Variants in BTG4 observed in about 807,000 individuals in gnomAD.
BTG4 encodes BTG anti-proliferation factor 4.
BTG4 carries 10 observed loss-of-function variants against 19.3 expected under a neutral mutation model. The ratio of observed to expected loss-of-function variants is 0.52; its 90% CI spans 0.32 to 0.88. BTG4 has a LOEUF of 0.88. Among genes scored for constraint, BTG4 ranks in the 40% least tolerant of loss-of-function variants. The pLI, the probability that BTG4 is intolerant of heterozygous loss-of-function variation, is 0.04. For missense variants in BTG4, 238 were observed against 281.9 expected (o/e 0.84, Z 1.11); for synonymous variants, 91 against 95.7 (o/e 0.95, Z 0.29).
chr11:111,404,136 C>CA, the BTG4 span, among the ~76,000 whole-genome samples: 1 of 152,030 alleles, frequency 6.6e-6, no homozygotes, highest in Non-Finnish European at 1.5e-5. Context: ...TGGTTTTATA[C>CA]AGGGGAGTTT....
At chr11:111,484,382 C>T (rs552431942) in intron 5 of BTG4, among the ~76,000 whole-genome samples, 1 of 152,224 alleles carries the variant, frequency 6.6e-6, no homozygotes, top group East Asian at 1.9e-4. Flanking sequence ...TTGTATCTTT[C>T]ATAGGAAGAC....
intron 2 of BTG4, 148 bp downstream of exon 2, chr11:111,498,456 C>T: frequency 1.4e-6 from 1 of 718,578 alleles, no homozygotes; most frequent in Non-Finnish European, 2.3e-6. Context: ...TATGTCTCCT[C>T]CTTTCAATTC....
At chr11:111,386,817 T>A in the BTG4 span, among the ~76,000 whole-genome samples, 1 of 152,198 alleles carries the variant, frequency 6.6e-6, no homozygotes, top group Non-Finnish European at 1.5e-5. Context: ...TCCCACATAT[T>A]CTTTACATAG....
At chr11:111,483,922 G>C (rs956167606) in intron 5 of BTG4, among the ~76,000 whole-genome samples, 1 of 152,012 alleles carries the variant, frequency 6.6e-6, no homozygotes, top group Non-Finnish European at 1.5e-5. Flanking sequence ...CTATCTCAAG[G>C]TATACAATAA....
the BTG4 span, among the ~76,000 whole-genome samples, chr11:111,446,638 C>CAT: frequency 6.6e-6 from 1 of 152,024 alleles, no homozygotes; most frequent in South Asian, 2.1e-4. Context: ...CACACACACA[C>CAT]ACACACACAC....
At chr11:111,514,206 A>G (rs1275893322), upstream of BTG4, 1 of 156,550 alleles carries the variant, frequency 6.4e-6, no homozygotes, top group African/African-American at 2.4e-5. Flanking sequence ...AGTGATTAGT[A>G]AATGCACTTA....
At chr11:111,442,607 C>T in the BTG4 span, among the ~76,000 whole-genome samples, 2 of 149,242 alleles carry the variant, frequency 1.3e-5, no homozygotes, top group African/African-American at 2.5e-5. Context: ...AAAACAACAA[C>T]AACAACAACA....
chr11:111,463,915 A>T (rs1863566479), downstream of BTG4, among the ~76,000 whole-genome samples: 1 of 152,124 alleles, frequency 6.6e-6, no homozygotes, highest in Non-Finnish European at 1.5e-5. Flanking sequence ...CCTGCCATGG[A>T]CTTCATGGGC....
chr11:111,498,556 G>A, intron 2 of BTG4, 48 bp downstream of exon 2: 1 of 1,523,022 alleles, frequency 6.6e-7, no homozygotes, highest in Non-Finnish European at 9.0e-7. Context: ...GAGCTGGCTG[G>A]TTGCTTGGTG....
chr11:111,438,121 G>A, the BTG4 span, among the ~76,000 whole-genome samples: 1 of 152,170 alleles, frequency 6.6e-6, no homozygotes, highest in African/African-American at 2.4e-5. Context: ...AGGGGAAGGG[G>A]GCTGCCAGGG....
the BTG4 span, among the ~76,000 whole-genome samples, chr11:111,421,742 A>G: frequency 6.6e-6 from 1 of 152,154 alleles, no homozygotes; most frequent in Non-Finnish European, 1.5e-5. Flanking sequence ...GTGAAACCCC[A>G]TCTCTACTAA....
intron 5 of BTG4, among the ~76,000 whole-genome samples, chr11:111,470,685 G>C (rs11213918): frequency 0.32 from 48,766 of 152,134 alleles, 8,183 homozygotes; most frequent in Admixed American, 0.44. Flanking sequence ...GGGAGGCCGA[G>C]GCAGAAAGAT....
chr11:111,455,094 C>T, the BTG4 span: 1 of 454,840 alleles, frequency 2.2e-6, no homozygotes, highest in Admixed American at 2.3e-5. Flanking sequence ...AGCAGGTGGG[C>T]TTGGTTCACG....
upstream of BTG4, chr11:111,513,452 G>A (rs1429611756): frequency 1.9e-6 from 1 of 534,356 alleles, no homozygotes; most frequent in Non-Finnish European, 3.8e-6. Context: ...CTAGTTACTA[G>A]GCAGTGTAGT....
Position 111,495,157 on chromosome 11 carries a change from T to A in BTG4, c.668A>T (p.His223Leu). 6.3e-7 allele frequency: 1 copy of A among 1,585,244 alleles called. No individual in the cohort carries two copies. The highest frequency in any genetic ancestry group is 8.6e-7 in the Non-Finnish European group (1 of 1,167,402). ...GCGTCATCGGTGTGTGTTGACCCAG[T>A]GGTACCTGTCCAGCCGGTGCATAGC... ...RPAMHRLDRY[H>L]WVNTHR The change falls in exon 5 of 5, where the codon CAC (histidine) becomes CTC (leucine). Residue 223 changes from histidine (H) to leucine (L), a missense_variant. His to Leu is a moderately conservative substitution (Grantham distance 99, BLOSUM62 -3). Transcript: ENST00000692032.
chr11:111,494,153 G>A (rs1028107375), downstream of BTG4, among the ~76,000 whole-genome samples: 2 of 152,192 alleles, frequency 1.3e-5, no homozygotes, highest in African/African-American at 4.8e-5. Context: ...AGAGGAGAAG[G>A]GAGGGATAAA....
chr11:111,403,278 G>A, the BTG4 span, among the ~76,000 whole-genome samples: 2 of 152,220 alleles, frequency 1.3e-5, no homozygotes, highest in African/African-American at 2.4e-5. Flanking sequence ...TAATTAACCT[G>A]TGCTTTTTAT....
At chr11:111,401,986 A>G in the BTG4 span, among the ~76,000 whole-genome samples, 10 of 152,192 alleles carry the variant, frequency 6.6e-5, no homozygotes, top group African/African-American at 1.9e-4. Context: ...TTATTCATAT[A>G]TTATTTATAT....
the BTG4 span, among the ~76,000 whole-genome samples, chr11:111,428,800 T>C: frequency 6.6e-6 from 1 of 152,188 alleles, no homozygotes; most frequent in Non-Finnish European, 1.5e-5. Context: ...GGCAGGAATT[T>C]CTGCAAGGCT....
Sources: allele counts gnomAD v4.1 joint callset (sites outside exome capture counted in the v4.1 genomes callset), GRCh38; gene constraint gnomAD v4.1.1; transcripts MANE v1.5; gene names NCBI Gene and HGNC (gene_info 2026-07-23, HGNC 2026-07-21).